WTIP: variants seen among roughly 807,000 people sequenced by gnomAD.
WTIP encodes Wilms tumor protein 1-interacting protein.
In WTIP, 23 loss-of-function variants were observed where a neutral mutation model predicts 41.7. That is an observed-to-expected ratio of 0.55 (90% CI 0.40 to 0.78). WTIP has a LOEUF of 0.78. Among genes scored for constraint, WTIP ranks in the 30% least tolerant of loss-of-function variants. WTIP has a pLI of 0.00. For synonymous variants in WTIP, 314 were observed against 269.9 expected (o/e 1.16, Z -1.60); for missense variants, 619 against 610.5 (o/e 1.01, Z -0.15).
At chr19:34,500,032 G>T in intron 7 of WTIP, 97 bp from the exon 8 acceptor site, 1 of 1,505,216 alleles carries the variant, frequency 6.6e-7, no homozygotes, top group African/African-American at 1.4e-5. Context: ...GCGGCACCCT[G>T]CAGATCTGCC....
chr19:34,483,406 C>A (rs2145589980), intron 1 of WTIP, among the ~76,000 whole-genome samples: 1 of 152,232 alleles, frequency 6.6e-6, no homozygotes, highest in African/African-American at 2.4e-5. Flanking sequence ...GGTGCTTCCC[C>A]GTCTGCCCCG....
At position 34,490,367 on chromosome 19, in the gene WTIP, C is replaced by T. The variant is rs375268616; in HGVS notation, c.668-9C>T. The T allele has an allele frequency of 1.2e-6, 2 of 1,613,818 alleles. No individual in the cohort carries two copies. The highest frequency in any genetic ancestry group is 1.7e-5 in the Admixed American group (1 of 60,026). On this transcript the variant is annotated splice_polypyrimidine_tract_variant and intron_variant, in intron 1 of 7. Coordinates refer to ENST00000590071, the MANE Select transcript of WTIP (RefSeq NM_001080436.2). ...TAACCCCTGCTCTCTCCTGCCTCTC[C>T]TCTCCTAGGCATTTGCATCAAGTGT...
chr19:34,511,489 A>G lies in WTIP; in HGVS notation c.*11220A>G, dbSNP rs2075933095. 1 of 152,122 alleles carries G rather than the reference A, an allele frequency of 6.6e-6. No individual in the cohort carries two copies. The highest frequency in any genetic ancestry group is 6.5e-5 in the Admixed American group (1 of 15,276). 9.4% of individuals were successfully genotyped at this position (152,122 alleles called of 1,614,324 possible). A position where few individuals can be genotyped will look rare whatever the true frequency, so the allele number is the denominator to read the frequency against. ...CTCTACAAAAACAAAAACAAAATAAAAAAAAGTAGCTACGTGTTTGGGCCT... is the reference window on the plus strand; with the variant it reads ...CTCTACAAAAACAAAAACAAAATAAGAAAAAGTAGCTACGTGTTTGGGCCT... On this transcript the variant is annotated 3_prime_UTR_variant, in exon 8 of 8. Transcript: ENST00000590071.
At chr19:34,485,152 C>G (rs550667866) in intron 1 of WTIP, among the ~76,000 whole-genome samples, 1 of 152,084 alleles carries the variant, frequency 6.6e-6, no homozygotes, top group South Asian at 2.1e-4. Flanking sequence ...GGTGCGATCT[C>G]AGCTCACTGC....
chr19:34,495,787 C>G lies in WTIP; in HGVS notation c.1152+16C>G, dbSNP rs1253753785. 2 of 1,613,012 alleles carry G rather than the reference C, an allele frequency of 1.2e-6. No homozygotes were observed. Among genetic ancestry groups the G allele is most frequent in the African/African-American group, 2.7e-5 (2 of 74,950 alleles). On this transcript the variant is annotated intron_variant, in intron 7 of 7. Coordinates refer to ENST00000590071, the MANE Select transcript of WTIP (RefSeq NM_001080436.2). ...CCACTGTGAGGTGAGCCTGGGCCCA[C>G]AGGAGGCTGGCAGCTGGGGCAGGCC... is the stretch of plus-strand genomic sequence containing the variant.
intron 1 of WTIP, among the ~76,000 whole-genome samples, chr19:34,482,983 C>T (rs2075777087): frequency 1.2e-5 from 1 of 82,842 alleles, no homozygotes; most frequent in Admixed American, 1.3e-4. Context: ...TTTCTTCTTT[C>T]TTCTTTTTTT....
chr19:34,493,432 C>T lies in WTIP; in HGVS notation c.901-60C>T, dbSNP rs549752516. On this transcript the variant is annotated intron_variant, in intron 4 of 7. Transcript: ENST00000590071. This position sits in a 1 kb window ranked among gnomAD's most constrained non-coding sequence, Gnocchi z 4.1. Reference sequence around the variant, plus strand: ...TGCCAGGGGTTCAGGGCCAGAGCCTCTCCCAGGGCGGTGCTGAGCCTCCTG... The same window carrying T: ...TGCCAGGGGTTCAGGGCCAGAGCCTTTCCCAGGGCGGTGCTGAGCCTCCTG... The T allele has an allele frequency of 2.5e-6, 4 of 1,602,608 alleles. No homozygotes were observed. Among genetic ancestry groups the T allele is most frequent in the Non-Finnish European group, 3.4e-6 (4 of 1,175,196 alleles).
chr19:34,497,012 A>ATTG (rs2075857947), intron 7 of WTIP, among the ~76,000 whole-genome samples: 1 of 151,990 alleles, frequency 6.6e-6, no homozygotes, highest in African/African-American at 2.4e-5. Flanking sequence ...ACAGGCACCC[A>ATTG]CCACCACACC....
intron 1 of WTIP, among the ~76,000 whole-genome samples, chr19:34,482,895 C>T (rs2075776422): frequency 6.6e-6 from 1 of 152,012 alleles, no homozygotes; most frequent in African/African-American, 2.4e-5. Context: ...GGGTTCTGGC[C>T]GAGTGAGTTG....
chr19:34,507,700 T>G lies in WTIP; in HGVS notation c.*7431T>G, dbSNP rs1599974867. 6.6e-6 allele frequency: 1 copy of G among 151,986 alleles called. No individual in the cohort carries two copies. The highest frequency in any genetic ancestry group is 6.6e-5 in the Admixed American group (1 of 15,254). The allele number at this position is 151,986 out of a possible 1,614,324, so 9.4% of individuals were successfully genotyped here. On this transcript the variant is annotated 3_prime_UTR_variant, in exon 8 of 8. Transcript: ENST00000590071. ...ATAGGGGGATGGGGTAGGGAGTGAGTCATTGCATTATAGACTTGGACTAGG... is the reference window on the plus strand; with the variant it reads ...ATAGGGGGATGGGGTAGGGAGTGAGGCATTGCATTATAGACTTGGACTAGG...
At position 34,512,025 on chromosome 19, in the gene WTIP, T is replaced by A. The variant is rs1361781109; in HGVS notation, c.*11756T>A. The A allele has an allele frequency of 6.6e-6, 1 of 152,180 alleles. No homozygotes were observed. Among genetic ancestry groups the A allele is most frequent in the Non-Finnish European group, 1.5e-5 (1 of 68,036 alleles). The allele number at this position is 152,180 out of a possible 1,614,324, so 9.4% of individuals were successfully genotyped here. A position where few individuals can be genotyped will look rare whatever the true frequency, so the allele number is the denominator to read the frequency against. ...GTGCGTTTCCTCCATTCACTGAAGTTTTATTTTACATCTCTCAGTAAAGCT... is the reference window on the plus strand; with the variant it reads ...GTGCGTTTCCTCCATTCACTGAAGTATTATTTTACATCTCTCAGTAAAGCT... On this transcript the variant is annotated 3_prime_UTR_variant, in exon 8 of 8. Coordinates refer to ENST00000590071, the MANE Select transcript of WTIP (RefSeq NM_001080436.2).
Position 34,502,647 on chromosome 19 carries a change from T to A in WTIP, c.*2378T>A, listed in dbSNP as rs1478546763. Reference sequence around the variant, plus strand: ...GTTGGCCAGACTGGTCTGGAACTCCTGGCCTCAAGCGATCCATCCGCCTTG... The same window carrying A: ...GTTGGCCAGACTGGTCTGGAACTCCAGGCCTCAAGCGATCCATCCGCCTTG... On this transcript the variant is annotated 3_prime_UTR_variant, in exon 8 of 8. Transcript: ENST00000590071. The A allele has an allele frequency of 3.3e-5, 5 of 152,294 alleles. No homozygotes were observed. The highest frequency in any genetic ancestry group is 7.3e-5 in the Non-Finnish European group (5 of 68,116). 9.4% of individuals were successfully genotyped at this position (152,294 alleles called of 1,614,324 possible). A position where few individuals can be genotyped will look rare whatever the true frequency, so the allele number is the denominator to read the frequency against.
intron 5 of WTIP, 90 bp from the exon 6 acceptor site, chr19:34,494,496 C>A: frequency 7.7e-7 from 1 of 1,305,638 alleles, no homozygotes; most frequent in Non-Finnish European, 1.1e-6. Context: ...ACTTGGGCTA[C>A]GTCAGTGGGT....
chr19:34,489,489 T>C (rs2075814910), intron 1 of WTIP, among the ~76,000 whole-genome samples: 1 of 152,052 alleles, frequency 6.6e-6, no homozygotes, highest in Non-Finnish European at 1.5e-5. Flanking sequence ...AGAGGGGTGG[T>C]GACTGCCCCT....
At position 34,490,352 on chromosome 19, in the gene WTIP, TCTCTCCTGC is replaced by T. The variant is rs760849952; in HGVS notation, c.668-16_668-8del. On this transcript the variant is annotated splice_polypyrimidine_tract_variant and intron_variant, in intron 1 of 7. Transcript: ENST00000590071. ...CATAGGCTGTGGCGCTAACCCCTGC[TCTCTCCTGC>T]CTCTCCTCTCCTAGGCATTTGCATC... 6.2e-7 allele frequency: 1 copy of T among 1,611,668 alleles called. No homozygotes were observed. Among genetic ancestry groups the T allele is most frequent in the South Asian group, 1.1e-5 (1 of 91,034 alleles).
Position 34,493,202 on chromosome 19 carries a change from C to G in WTIP, c.838-61C>G. ...GAGACCTGAGGCCAGGAGGCAGGTGCTAGCTGGGCCGCGAGTGCCCCTTTG... is the reference window on the plus strand; with the variant it reads ...GAGACCTGAGGCCAGGAGGCAGGTGGTAGCTGGGCCGCGAGTGCCCCTTTG... On this transcript the variant is annotated intron_variant, in intron 3 of 7. Transcript: ENST00000590071. This position sits in a 1 kb window ranked among gnomAD's most constrained non-coding sequence, Gnocchi z 4.1. 1 of 1,612,596 alleles carries G rather than the reference C, an allele frequency of 6.2e-7. No individual in the cohort carries two copies.
At chr19:34,489,076 G>A (rs577957286) in intron 1 of WTIP, among the ~76,000 whole-genome samples, 1 of 151,636 alleles carries the variant, frequency 6.6e-6, no homozygotes, top group Admixed American at 6.6e-5. Context: ...GCACATGCCT[G>A]TAATCCCAGC....
Position 34,493,148 on chromosome 19 carries a change from G to C in WTIP, c.837+44G>C, listed in dbSNP as rs2075834368. On this transcript the variant is annotated intron_variant, in intron 3 of 7. Coordinates refer to ENST00000590071, the MANE Select transcript of WTIP (RefSeq NM_001080436.2). This position sits in a 1 kb window ranked among gnomAD's most constrained non-coding sequence, Gnocchi z 4.1. The stretch of plus-strand genomic sequence containing the variant: ...CTGGCAGTGCCAGGGGTGGGAGGTG[G>C]GGCAGGGACCCTCATTCTGACTCGA... 2.5e-6 allele frequency: 4 copies of C among 1,613,482 alleles called. No individual in the cohort carries two copies. The highest frequency in any genetic ancestry group is 3.4e-6 in the Non-Finnish European group (4 of 1,179,608).
At position 34,482,568 on chromosome 19, in the gene WTIP, C is replaced by G. The variant is rs1039418733; in HGVS notation, c.594C>G (p.Ala198=). The G allele has an allele frequency of 4.1e-6, 5 of 1,230,712 alleles. No homozygotes were observed. Among genetic ancestry groups the G allele is most frequent in the Non-Finnish European group, 4.0e-6 (4 of 988,114 alleles). 76.2% of individuals were successfully genotyped at this position (1,230,712 alleles called of 1,614,324 possible). Residue 198 remains alanine, a synonymous_variant, in exon 1 of 8, where the codon GCC becomes GCG. Transcript: ENST00000590071. The stretch of plus-strand genomic sequence containing the variant: ...GCCGGGAGGGCGGCCCAAGCGCGGC[C>G]GAGCGGCGGCTGGAGGCGCTCACCC... ...PPGREGGPSA[A]ERRLEALTRE... is the part of the protein sequence containing the mutation.
Sources: allele counts gnomAD v4.1 joint callset (sites outside exome capture counted in the v4.1 genomes callset), GRCh38; gene constraint gnomAD v4.1.1; non-coding constraint Gnocchi (gnomAD v3.1); transcripts MANE v1.5; gene names NCBI Gene and HGNC (gene_info 2026-07-23, HGNC 2026-07-21).